Variants in DMD observed in about 807,000 individuals in gnomAD.
DMD encodes dystrophin.
A neutral mutation model predicts 330.1 loss-of-function variants in DMD; 63 were observed. That is an observed-to-expected ratio of 0.19 (90% CI 0.16 to 0.24). The LOEUF is 0.24. DMD is among the 10% of genes least tolerant of loss of function. The probability of loss-of-function intolerance (pLI) is 1.00; values close to 1 mark genes in which losing one functional copy is unlikely to be tolerated. For synonymous variants in DMD, 1,223 were observed against 959.8 expected (o/e 1.27, Z -5.07); for missense variants, 3,344 against 2,684.1 (o/e 1.25, Z -5.43).
intron 2 of DMD, among the ~76,000 whole-genome samples, chrX:33,008,638 C>T (rs906928946): frequency 4.6e-5 from 5 of 108,792 alleles, no homozygotes; most frequent in African/African-American, 1.3e-4. Flanking sequence ...AATGCCACAA[C>T]GAACTGTTTT....
intron 41 of DMD, among the ~76,000 whole-genome samples, chrX:32,320,622 C>T (rs2097608199): frequency 9.0e-6 from 1 of 111,117 alleles, no homozygotes; most frequent in Non-Finnish European, 1.9e-5. Context: ...GTTCTGTAAT[C>T]GTTTTTTATT....
chrX:31,179,360 G>T (rs1197577621), intron 69 of DMD, among the ~76,000 whole-genome samples: 1 of 112,637 alleles, frequency 8.9e-6, no homozygotes, highest in African/African-American at 3.2e-5. Flanking sequence ...ACTTTGTTGT[G>T]TATGGGAACC....
At position 32,386,390 on chromosome X, in the gene DMD, T is replaced by C. The variant is rs1283799059; in HGVS notation, c.4594A>G (p.Lys1532Glu). ...VIKTGRQIVQKKQTENPKELD... is the reference protein window; with the variant it reads ...VIKTGRQIVQEKQTENPKELD... ...TCTTTGGGATTTTCCGTCTGCTTTT[T>C]CTGTACAATCTGACGTCCAGTCTTT... The change falls in exon 33 of 79, where the codon AAA becomes GAA. Residue 1532 changes from lysine to glutamate, a missense_variant. Coordinates refer to ENST00000357033, the MANE Select transcript of DMD (RefSeq NM_004006.3). 8.3e-7 allele frequency: 1 copy of C among 1,208,244 alleles called. No individual in the cohort carries two copies. Among genetic ancestry groups the C allele is most frequent in the Non-Finnish European group, 1.1e-6 (1 of 892,669 alleles).
At chrX:32,669,811 A>G (rs1383063589) in intron 9 of DMD, among the ~76,000 whole-genome samples, 1 of 111,037 alleles carries the variant, frequency 9.0e-6, no homozygotes, top group Non-Finnish European at 1.9e-5. Flanking sequence ...AAAACCTGCC[A>G]ATGCCCTTCT....
intron 1 of DMD, among the ~76,000 whole-genome samples, chrX:33,241,897 G>A (rs1212687521): frequency 2.7e-5 from 3 of 110,300 alleles, no homozygotes; most frequent in Non-Finnish European, 5.7e-5. Flanking sequence ...AGGTAGCTGG[G>A]ATTACAGGTG....
intron 55 of DMD, among the ~76,000 whole-genome samples, chrX:31,520,955 A>G (rs1050140069): frequency 9.0e-6 from 1 of 111,246 alleles, no homozygotes; most frequent in African/African-American, 3.3e-5. Context: ...CTGGGATTAC[A>G]GGCGTTGAGC....
intron 7 of DMD, among the ~76,000 whole-genome samples, chrX:32,704,201 C>G (rs1466717243): frequency 2.8e-5 from 3 of 105,396 alleles, no homozygotes; most frequent in Non-Finnish European, 5.6e-5. Context: ...TAGTCAAAAT[C>G]AGATTAGAAA....
chrX:31,685,607 G>C (rs1016643204), intron 52 of DMD, among the ~76,000 whole-genome samples: 3 of 112,405 alleles, frequency 2.7e-5, no homozygotes, highest in Non-Finnish European at 5.6e-5. Context: ...GGCAAGGACA[G>C]AATCTGTAGA....
intron 55 of DMD, among the ~76,000 whole-genome samples, chrX:31,588,935 C>T (rs2076739755): frequency 9.7e-6 from 1 of 102,811 alleles, no homozygotes; most frequent in Admixed American, 1.1e-4. Flanking sequence ...TACCAATACT[C>T]CAGTTTAAGC....
At chrX:32,218,026 T>C (rs965166916) in intron 43 of DMD, among the ~76,000 whole-genome samples, 1 of 111,814 alleles carries the variant, frequency 8.9e-6, no homozygotes, top group Non-Finnish European at 1.9e-5. Flanking sequence ...GTCAAATGTG[T>C]TAATACTACA....
intron 7 of DMD, among the ~76,000 whole-genome samples, chrX:32,755,652 T>C (rs985274203): frequency 3.6e-5 from 4 of 112,383 alleles, no homozygotes; most frequent in East Asian, 5.6e-4. Context: ...TTGCCAGGTA[T>C]AAAATATAAG....
chrX:32,979,346 G>A (rs776416786), intron 2 of DMD, among the ~76,000 whole-genome samples: 1 of 111,856 alleles, frequency 8.9e-6, no homozygotes, highest in South Asian at 3.7e-4. Context: ...ATGACCTACT[G>A]TTGTTACCAA....
chrX:31,251,096 A>C (rs1437571461), intron 63 of DMD, among the ~76,000 whole-genome samples: 1 of 108,988 alleles, frequency 9.2e-6, no homozygotes, highest in South Asian at 4.0e-4. Context: ...AACAAAAAAA[A>C]AAACCCACCA....
rs764530754 is a variant in DMD at position 32,701,957 on chromosome X, T to C, written c.650-2664A>G. Among the ~76,000 whole-genome samples, 3 of 111,847 alleles carry C rather than the reference T, an allele frequency of 2.7e-5. No individual in the cohort carries two copies. In the Admixed American group the frequency reaches 2.9e-4, roughly 11 times the overall value. On this transcript the variant is annotated intron_variant, in intron 7 of 78. Coordinates refer to ENST00000357033, the MANE Select transcript of DMD (RefSeq NM_004006.3). ...ACTATTGCCATTTTGCCCCAAACTA[T>C]TACTATCCCACTTCTGAGATTATGT...
chrX:33,193,473 G>C (rs957731061), intron 1 of DMD, among the ~76,000 whole-genome samples: 4 of 111,910 alleles, frequency 3.6e-5, no homozygotes, highest in Non-Finnish European at 7.5e-5. Flanking sequence ...TGATAAAAGA[G>C]ATACAGTGTA....
intron 45 of DMD, among the ~76,000 whole-genome samples, chrX:31,949,952 G>A (rs1476808686): frequency 9.2e-6 from 1 of 109,003 alleles, no homozygotes; most frequent in Non-Finnish European, 1.9e-5. Context: ...AAAGATTAAT[G>A]TATGGTTTCA....
intron 4 of DMD, among the ~76,000 whole-genome samples, chrX:32,833,891 C>G (rs1033618895): frequency 9.1e-6 from 1 of 110,045 alleles, no homozygotes; most frequent in African/African-American, 3.3e-5. Context: ...ATACTAATTT[C>G]CCTTAAAGCA....
chrX:33,074,976 G>A (rs1423990679), intron 1 of DMD, among the ~76,000 whole-genome samples: 2 of 111,477 alleles, frequency 1.8e-5, no homozygotes, highest in Non-Finnish European at 3.8e-5. Flanking sequence ...CGCGTTTGTA[G>A]AGCTAATGAG....
chrX:32,734,523 C>G (rs766805922), intron 7 of DMD, among the ~76,000 whole-genome samples: 1 of 106,248 alleles, frequency 9.4e-6, no homozygotes, highest in Non-Finnish European at 1.9e-5. Context: ...CAATAAAATA[C>G]TGGCAAAACG....
Sources: allele counts gnomAD v4.1 joint callset (sites outside exome capture counted in the v4.1 genomes callset), GRCh38; gene constraint gnomAD v4.1.1; transcripts MANE v1.5; gene names NCBI Gene and HGNC (gene_info 2026-07-23, HGNC 2026-07-21).